The following GRID1 variants were observed in gnomAD, a reference collection of about 807,000 sequenced individuals.
The protein encoded by GRID1 is glutamate receptor ionotropic, delta-1.
Under a neutral mutation model 98.0 loss-of-function variants are expected in GRID1, and 28 were observed. The observed-to-expected ratio is 0.29, with a 90% CI of 0.21 to 0.39. The LOEUF is 0.39. Ranked by LOEUF, GRID1 falls within the 10% of genes least tolerant of loss-of-function variation. GRID1 has a pLI of 1.00. For missense variants in GRID1, 1,111 were observed against 1,340.5 expected, an observed-to-expected ratio of 0.83 and a Z score of 2.67; for synonymous variants, 553 against 538.5, an observed-to-expected ratio of 1.03 and a Z score of -0.37.
chr10:86,015,437 G>A (rs2131883631), intron 4 of GRID1, among the ~76,000 whole-genome samples: 1 of 152,328 alleles, frequency 6.6e-6, no homozygotes, highest in Middle Eastern at 3.4e-3. Flanking sequence ...CAATGCTCTG[G>A]CAGCTATGGC....
intron 14 of GRID1, among the ~76,000 whole-genome samples, chr10:85,617,286 G>A (rs1842803169): frequency 6.7e-6 from 1 of 149,098 alleles, no homozygotes; most frequent in South Asian, 2.1e-4. Flanking sequence ...AGGCTAGAGT[G>A]CAGTGACATG....
intron 8 of GRID1, among the ~76,000 whole-genome samples, chr10:85,734,298 C>G (rs532784442): frequency 8.5e-5 from 13 of 152,146 alleles, no homozygotes; most frequent in African/African-American, 3.1e-4. Flanking sequence ...TGAAGATAAG[C>G]AATCCAAGTA....
chr10:85,809,611 T>C (rs1842652747), intron 8 of GRID1, among the ~76,000 whole-genome samples: 1 of 152,164 alleles, frequency 6.6e-6, no homozygotes, highest in African/African-American at 2.4e-5. Flanking sequence ...CTGCCACACA[T>C]TTCTCCTTAT....
intron 3 of GRID1, among the ~76,000 whole-genome samples, chr10:86,165,665 G>C (rs377081957): frequency 7.2e-5 from 11 of 152,292 alleles, no homozygotes; most frequent in African/African-American, 2.6e-4. Flanking sequence ...GGGGTTCTAA[G>C]GGTTAGAATT....
intron 5 of GRID1, among the ~76,000 whole-genome samples, chr10:85,899,633 G>A (rs1397768547): frequency 1.3e-5 from 2 of 152,074 alleles, no homozygotes; most frequent in African/African-American, 2.4e-5. Flanking sequence ...GCAGGGCCTG[G>A]CACACAGTAG....
intron 2 of GRID1, among the ~76,000 whole-genome samples, chr10:86,280,493 A>G (rs976173456): frequency 1.3e-5 from 2 of 152,178 alleles, no homozygotes; most frequent in Non-Finnish European, 2.9e-5. Context: ...GAGAGTTTTA[A>G]TAGTTAACAT....
intron 6 of GRID1, among the ~76,000 whole-genome samples, chr10:85,865,570 C>A (rs564016967): frequency 6.6e-6 from 1 of 152,252 alleles, no homozygotes; most frequent in South Asian, 2.1e-4. Context: ...AGGATCTTCA[C>A]TAATTTCATC....
At chr10:86,062,992 G>A (rs1843669696) in intron 4 of GRID1, among the ~76,000 whole-genome samples, 1 of 152,250 alleles carries the variant, frequency 6.6e-6, no homozygotes, top group Non-Finnish European at 1.5e-5. Flanking sequence ...GAACTTGGGA[G>A]GGACCCACTC....
intron 13 of GRID1, chr10:85,645,680 G>A (rs556697021): frequency 2.6e-5 from 4 of 152,306 alleles, no homozygotes; most frequent in South Asian, 2.1e-4. Flanking sequence ...GGTAACTTAC[G>A]AAACTGGAAT....
chr10:85,618,699 G>T (rs1225925630), intron 14 of GRID1, among the ~76,000 whole-genome samples: 1 of 152,152 alleles, frequency 6.6e-6, no homozygotes, highest in Non-Finnish European at 1.5e-5. Flanking sequence ...CTGAGGTCCA[G>T]GTACTCATGA....
At chr10:85,878,605 G>A (rs1205020200) in intron 5 of GRID1, among the ~76,000 whole-genome samples, 3 of 152,162 alleles carry the variant, frequency 2.0e-5, no homozygotes, top group East Asian at 1.9e-4. Context: ...TGCCCTAAAA[G>A]AGCTCCTGAA....
chr10:86,335,006 G>C (rs1282545914), intron 2 of GRID1, among the ~76,000 whole-genome samples: 2 of 152,242 alleles, frequency 1.3e-5, no homozygotes. Flanking sequence ...GCTCAACCAG[G>C]AGATATGCCC....
intron 4 of GRID1, among the ~76,000 whole-genome samples, chr10:86,132,441 A>C (rs1564685181): frequency 6.6e-6 from 1 of 152,230 alleles, no homozygotes; most frequent in Non-Finnish European, 1.5e-5. Flanking sequence ...AATTTCTCAG[A>C]CTGGAAGCAC....
intron 8 of GRID1, among the ~76,000 whole-genome samples, chr10:85,788,308 G>A (rs1035743729): frequency 7.2e-5 from 11 of 152,210 alleles, no homozygotes; most frequent in African/African-American, 1.7e-4. Flanking sequence ...AGAGGCTCAC[G>A]GTTGTCCGCA....
At position 86,035,580 on chromosome 10, in the gene GRID1, G is replaced by A. The variant is rs150631437; in HGVS notation, c.726+103239C>T. On this transcript the variant is annotated intron_variant, in intron 4 of 15. Coordinates refer to ENST00000327946, the MANE Select transcript of GRID1 (RefSeq NM_017551.3). ...AAAGCAGGCTGGCAGCACAGAGCAG[G>A]TCTATGAAGGGTTCCCAGAGTCCCC... Among the ~76,000 whole-genome samples the A allele has an allele frequency of 2.7e-4, 41 of 152,174 alleles. No homozygotes were observed. In the East Asian group the frequency reaches 7.0e-3, roughly 26 times the overall value.
intron 12 of GRID1, among the ~76,000 whole-genome samples, chr10:85,703,581 T>C (rs982860978): frequency 6.6e-6 from 1 of 152,086 alleles, no homozygotes; most frequent in Non-Finnish European, 1.5e-5. Flanking sequence ...AGGAGAGATA[T>C]GAATATATAG....
chr10:85,904,355 G>A (rs1394100259), intron 5 of GRID1, among the ~76,000 whole-genome samples: 6 of 152,196 alleles, frequency 3.9e-5, no homozygotes, highest in African/African-American at 1.2e-4. Context: ...TGCCTTTAGA[G>A]AATTTCCATG....
chr10:85,664,459 T>C (rs1307315026), intron 12 of GRID1, among the ~76,000 whole-genome samples: 1 of 152,220 alleles, frequency 6.6e-6, no homozygotes, highest in Non-Finnish European at 1.5e-5. Flanking sequence ...TCTCAGACTT[T>C]TCCATCTCTG....
chr10:85,827,701 C>T (rs1380997517), intron 8 of GRID1, among the ~76,000 whole-genome samples: 2 of 151,148 alleles, frequency 1.3e-5, no homozygotes, highest in South Asian at 2.1e-4. Context: ...AGATGAAGAA[C>T]GGCATTACAT....
Sources: allele counts gnomAD v4.1 joint callset (sites outside exome capture counted in the v4.1 genomes callset), GRCh38; gene constraint gnomAD v4.1.1; transcripts MANE v1.5; gene names NCBI Gene and HGNC (gene_info 2026-07-23, HGNC 2026-07-21).